GPATCH8: variants seen among roughly 807,000 people sequenced by gnomAD.
GPATCH8 encodes G patch domain-containing protein 8.
GPATCH8 carries 18 observed loss-of-function variants against 118.3 expected under a neutral mutation model. The observed-to-expected ratio is 0.15, with a 90% CI of 0.11 to 0.23. The LOEUF (loss-of-function observed/expected upper bound fraction) is 0.23, where lower values mean the gene tolerates loss of function less well. GPATCH8 is among the 10% of genes least tolerant of loss of function. The probability of loss-of-function intolerance (pLI) is 1.00; values close to 1 mark genes in which losing one functional copy is unlikely to be tolerated. For synonymous variants in GPATCH8, 659 were observed against 684.7 expected, an observed-to-expected ratio of 0.96 and a Z score of 0.59; for missense variants, 1,631 against 1,873.8, an observed-to-expected ratio of 0.87 and a Z score of 2.39.
intron 6 of GPATCH8, 31 bp downstream of exon 6, chr17:44,424,318 C>T (rs1044603208): frequency 3.4e-6 from 5 of 1,470,740 alleles, no homozygotes; most frequent in Non-Finnish European, 4.8e-6. Context: ...AGATAGGTAC[C>T]TTCTTCTGTT....
intron 1 of GPATCH8, among the ~76,000 whole-genome samples, chr17:44,487,878 G>A (rs898122286): frequency 6.6e-6 from 1 of 151,214 alleles, no homozygotes; most frequent in Non-Finnish European, 1.5e-5. Context: ...TGAGGGAGTT[G>A]ATGGTGTTTA....
At chr17:44,419,497 T>C (rs2049812437) in intron 6 of GPATCH8, among the ~76,000 whole-genome samples, 1 of 152,188 alleles carries the variant, frequency 6.6e-6, no homozygotes, top group South Asian at 2.1e-4. Context: ...TATTTTTTTT[T>C]GTTGTCCGAG....
At chr17:44,463,199 C>T (rs909631265) in intron 3 of GPATCH8, among the ~76,000 whole-genome samples, 1 of 152,098 alleles carries the variant, frequency 6.6e-6, no homozygotes. Flanking sequence ...GGATTACAGA[C>T]ATGAGCCACT....
rs540330488 is a variant in GPATCH8, at chr17:44,411,215, T to G, written c.493-5164A>C. Among the ~76,000 whole-genome samples the G allele has an allele frequency of 6.6e-5, 10 of 152,286 alleles. No homozygotes were observed. In the East Asian group the frequency reaches 1.5e-3, roughly 23 times the overall value. On this transcript the variant is annotated intron_variant, in intron 6 of 7. Coordinates refer to ENST00000591680, the MANE Select transcript of GPATCH8 (RefSeq NM_001002909.4). ...CATCTGTAAAATGGCTCCCAAGAAA[T>G]ACGGCCTCTTTCTATAGTGGTTAGA... is the stretch of plus-strand genomic sequence containing the variant.
chr17:44,454,992 A>G (rs2051271511), intron 3 of GPATCH8, among the ~76,000 whole-genome samples: 1 of 152,130 alleles, frequency 6.6e-6, no homozygotes, highest in African/African-American at 2.4e-5. Flanking sequence ...CTTCAAATAC[A>G]CCAGCTCTGT....
intron 3 of GPATCH8, among the ~76,000 whole-genome samples, chr17:44,455,444 G>A (rs1214097620): frequency 6.6e-6 from 1 of 151,600 alleles, no homozygotes; most frequent in Non-Finnish European, 1.5e-5. Flanking sequence ...AGGTTGCGGT[G>A]AGCCGAGATC....
chr17:44,418,090 A>G lies in GPATCH8; in HGVS notation c.492+6259T>C, dbSNP rs2049754517. Among the ~76,000 whole-genome samples, 4 of 152,098 alleles carry G rather than the reference A, an allele frequency of 2.6e-5. No homozygotes were observed. In the South Asian group the frequency reaches 8.3e-4, roughly 32 times the overall value. Reference sequence around the variant, plus strand: ...ACAAGAGGCTAAGATTGGAAGAAAAATCCTGAGTAGGTAACAAGGTACAAA... The same window carrying G: ...ACAAGAGGCTAAGATTGGAAGAAAAGTCCTGAGTAGGTAACAAGGTACAAA... On this transcript the variant is annotated intron_variant, in intron 6 of 7. Coordinates refer to ENST00000591680, the MANE Select transcript of GPATCH8 (RefSeq NM_001002909.4).
intron 1 of GPATCH8, among the ~76,000 whole-genome samples, chr17:44,483,260 T>G (rs1241379920): frequency 7.6e-6 from 1 of 132,370 alleles, no homozygotes; most frequent in Non-Finnish European, 1.6e-5. Context: ...TTCTTTTTTT[T>G]GTTTTTTTGA....
chr17:44,398,563 G>C lies in GPATCH8; in HGVS notation c.3514C>G (p.Gln1172Glu), dbSNP rs988460188. The change falls in exon 8 of 8, where the codon CAA (glutamine) becomes GAA (glutamate). Residue 1172 changes from glutamine (Q) to glutamate (E), a missense_variant. Gln to Glu is a conservative substitution (Grantham distance 29, BLOSUM62 2). Around this residue, in one of 8 missense-constraint regions of GPATCH8, gnomAD observed 922 missense variants for 879.7 expected, o/e 1.05. Transcript: ENST00000591680. ...CCCTCTTCTGTCTCTGACTGTTCTT[G>C]CTCTTCCCCCCTTTCCAAGCCAGAC... ...EESGLERGEE[Q>E]EQSETEEGPP... 12 of 1,575,854 alleles carry C rather than the reference G, an allele frequency of 7.6e-6. No homozygotes were observed. Among genetic ancestry groups the C allele is most frequent in the African/African-American group, 2.7e-5 (2 of 73,412 alleles).
chr17:44,481,313 G>T (rs1253291203), intron 1 of GPATCH8, among the ~76,000 whole-genome samples: 6 of 152,180 alleles, frequency 3.9e-5, no homozygotes, highest in African/African-American at 1.4e-4. Flanking sequence ...TTGTACGCTA[G>T]AAACTATCCA....
chr17:44,487,873 G>T (rs1968903121), intron 1 of GPATCH8, among the ~76,000 whole-genome samples: 1 of 151,536 alleles, frequency 6.6e-6, no homozygotes, highest in African/African-American at 2.4e-5. Flanking sequence ...AAATATGAGG[G>T]AGTTGATGGT....
At position 44,431,961 on chromosome 17, in the gene GPATCH8, GCAGT is replaced by G. The variant is rs1244110152; in HGVS notation, c.348+3100_348+3103del. Among the ~76,000 whole-genome samples, 4 of 151,858 alleles carry G rather than the reference GCAGT, an allele frequency of 2.6e-5. No individual in the cohort carries two copies. In the East Asian group the frequency reaches 5.8e-4, roughly 22 times the overall value. Reference sequence around the variant, plus strand: ...GAGATGAGAGAGTGATGAAAAGGAAGCAGTCAGAGTAGTGACTAAGAATTCTGGT... The same window carrying G: ...GAGATGAGAGAGTGATGAAAAGGAAGCAGAGTAGTGACTAAGAATTCTGGT... On this transcript the variant is annotated intron_variant, in intron 5 of 7. Coordinates refer to ENST00000591680, the MANE Select transcript of GPATCH8 (RefSeq NM_001002909.4).
At chr17:44,452,681 C>T (rs1369599597) in intron 3 of GPATCH8, among the ~76,000 whole-genome samples, 1 of 152,134 alleles carries the variant, frequency 6.6e-6, no homozygotes, top group African/African-American at 2.4e-5. Context: ...ATTTCCATCA[C>T]CAATGCCTGG....
chr17:44,404,456 A>G (rs564699308), intron 7 of GPATCH8, among the ~76,000 whole-genome samples: 1 of 152,204 alleles, frequency 6.6e-6, no homozygotes, highest in East Asian at 1.9e-4. Flanking sequence ...GCTTTTTAAT[A>G]TAAATGTTAG....
intron 3 of GPATCH8, among the ~76,000 whole-genome samples, chr17:44,440,512 A>ATCC (rs2050652738): frequency 6.6e-6 from 1 of 152,152 alleles, no homozygotes; most frequent in South Asian, 2.1e-4. Flanking sequence ...GGCTCAAGTG[A>ATCC]TCCTCTTGCT....
intron 3 of GPATCH8, among the ~76,000 whole-genome samples, chr17:44,448,380 A>C (rs1238532709): frequency 6.6e-6 from 1 of 151,228 alleles, no homozygotes; most frequent in Non-Finnish European, 1.5e-5. Context: ...CAACATAGGG[A>C]GACCCTGTCT....
chr17:44,425,038 A>C (rs1026239467), intron 5 of GPATCH8, among the ~76,000 whole-genome samples: 2 of 150,786 alleles, frequency 1.3e-5, no homozygotes, highest in African/African-American at 4.9e-5. Flanking sequence ...CAACAACAAA[A>C]AACTGTGGGA....
Position 44,475,043 on chromosome 17 carries a change from T to A in GPATCH8, c.46-140A>T, listed in dbSNP as rs979170720. The A allele has an allele frequency of 3.5e-5, 23 of 652,468 alleles. No individual in the cohort carries two copies. In the African/African-American group the frequency reaches 4.0e-4, roughly 11 times the overall value. The allele number at this position is 652,468 out of a possible 1,614,324, so 40.4% of individuals were successfully genotyped here. On this transcript the variant is annotated intron_variant, in intron 1 of 7. Coordinates refer to ENST00000591680, the MANE Select transcript of GPATCH8 (RefSeq NM_001002909.4). ...GGACACTGCAATCGTTCATTTTCAG[T>A]ACACAATCAAAACCACACCACAAAT...
At chr17:44,448,591 A>G (rs2050993180) in intron 3 of GPATCH8, among the ~76,000 whole-genome samples, 1 of 149,168 alleles carries the variant, frequency 6.7e-6, no homozygotes. Context: ...AAGAAGAAGA[A>G]GAAGAAACAA....
Sources: gnomAD v4.1 joint callset for allele counts (sites outside exome capture counted in the v4.1 genomes callset) on GRCh38, gnomAD v4.1.1 for gene constraint, gnomAD v4.1.1 regional missense constraint, MANE v1.5 for transcripts, NCBI Gene and HGNC (gene_info 2026-07-23, HGNC 2026-07-21) for gene names.